Variants in ASCC3 observed in about 807,000 individuals in gnomAD.
ASCC3 encodes the protein activating signal cointegrator 1 complex subunit 3.
ASCC3 carries 158 observed loss-of-function variants against 256.3 expected under a neutral mutation model. The ratio of observed to expected loss-of-function variants is 0.62; its 90% CI spans 0.54 to 0.70. The LOEUF (loss-of-function observed/expected upper bound fraction) is 0.70. Ranked by LOEUF, ASCC3 falls within the 30% of genes least tolerant of loss-of-function variation. ASCC3 has a pLI of 0.00. For synonymous variants in ASCC3, 948 were observed against 883.4 expected (o/e 1.07, Z -1.30); for missense variants, 2,259 against 2,626.0 (o/e 0.86, Z 3.05).
chr6:100,708,892 A>G (rs1051281476), intron 13 of ASCC3, among the ~76,000 whole-genome samples: 1 of 152,132 alleles, frequency 6.6e-6, no homozygotes, highest in African/African-American at 2.4e-5. Context: ...AAACCAATAC[A>G]TGAACAAATC....
chr6:100,669,014 T>C (rs567444042), intron 14 of ASCC3, among the ~76,000 whole-genome samples: 124 of 151,698 alleles, frequency 8.2e-4, no homozygotes, highest in Middle Eastern at 6.8e-3. Flanking sequence ...ACTGAAAAGG[T>C]ATAATTATAA....
At chr6:100,565,249 G>A (rs570982352) in intron 36 of ASCC3, among the ~76,000 whole-genome samples, 1 of 152,130 alleles carries the variant, frequency 6.6e-6, no homozygotes, top group African/African-American at 2.4e-5. Flanking sequence ...ATGGGTTCCC[G>A]ACTGTTTTGC....
At chr6:100,524,118 C>A (rs1774443266) in intron 37 of ASCC3, among the ~76,000 whole-genome samples, 1 of 151,960 alleles carries the variant, frequency 6.6e-6, no homozygotes, top group Admixed American at 6.6e-5. Flanking sequence ...GAAGTTAAGG[C>A]TTGATTTTGG....
At chr6:100,608,080 GTA>G (rs68148772) in intron 30 of ASCC3, among the ~76,000 whole-genome samples, 12,264 of 84,076 alleles carry the variant, frequency 0.15, 1,906 homozygotes, top group African/African-American at 0.21. Context: ...ACATATATAT[GTA>G]TATATATCTA....
chr6:100,754,794 G>C (rs1045512373), intron 10 of ASCC3, among the ~76,000 whole-genome samples: 1 of 152,120 alleles, frequency 6.6e-6, no homozygotes, highest in African/African-American at 2.4e-5. Context: ...GACCCAGTGG[G>C]AGGTAACTGA....
intron 13 of ASCC3, among the ~76,000 whole-genome samples, chr6:100,697,164 T>C (rs973245403): frequency 6.6e-6 from 1 of 151,984 alleles, no homozygotes. Flanking sequence ...CAGGGCCCAA[T>C]AGTAATATCT....
chr6:100,685,713 A>G (rs1183649478), intron 13 of ASCC3, among the ~76,000 whole-genome samples: 1 of 152,210 alleles, frequency 6.6e-6, no homozygotes, highest in Non-Finnish European at 1.5e-5. Context: ...TATATTTCAG[A>G]TATATTTATT....
intron 17 of ASCC3, 40 bp downstream of exon 17, chr6:100,655,659 A>T: frequency 6.3e-7 from 1 of 1,599,080 alleles, no homozygotes; most frequent in Non-Finnish European, 8.5e-7. Context: ...AGAACCAAAA[A>T]GAAGGTCTGA....
At chr6:100,766,432 G>T in intron 10 of ASCC3, 133 bp downstream of exon 10, 1 of 973,622 alleles carries the variant, frequency 1.0e-6, no homozygotes, top group Non-Finnish European at 1.5e-6. Flanking sequence ...ACAAGATGTG[G>T]TTACAAATAA....
rs1200444994 is a variant in ASCC3 at position 100,655,777 on chromosome 6, C to T, written c.2745G>A (p.Lys915=). The T allele has an allele frequency of 3.7e-6, 6 of 1,611,496 alleles. No individual in the cohort carries two copies. Among genetic ancestry groups the T allele is most frequent in the Non-Finnish European group, 2.5e-6 (3 of 1,178,730 alleles). The stretch of plus-strand genomic sequence containing the variant: ...CATAAAGATAAGTGTAACTTATCCA[C>T]TTCACTGCTTCTTCCACATTAGTAA... The part of the protein sequence containing the change: ...GTVTNVEEAV[K]WISYTYLYVR... Residue 915 remains lysine (K), a synonymous_variant, in exon 17 of 42, where the codon AAG becomes AAA. Coordinates refer to ENST00000369162, the MANE Select transcript of ASCC3 (RefSeq NM_006828.4).
At chr6:100,807,958 A>T (rs1242407410) in intron 4 of ASCC3, among the ~76,000 whole-genome samples, 1 of 151,988 alleles carries the variant, frequency 6.6e-6, no homozygotes, top group Non-Finnish European at 1.5e-5. Flanking sequence ...CAAATTGATT[A>T]TTCAGATTAG....
At chr6:100,597,773 C>T (rs1772374041) in intron 34 of ASCC3, among the ~76,000 whole-genome samples, 1 of 140,872 alleles carries the variant, frequency 7.1e-6, no homozygotes, top group Non-Finnish European at 1.5e-5. Flanking sequence ...AAGATGGAGA[C>T]CATTCTGGCT....
intron 8 of ASCC3, among the ~76,000 whole-genome samples, chr6:100,793,873 T>C (rs1486085106): frequency 6.6e-6 from 1 of 151,996 alleles, no homozygotes; most frequent in African/African-American, 2.4e-5. Context: ...TAACACTGTA[T>C]GCTGAACATG....
intron 10 of ASCC3, 70 bp from the exon 11 acceptor site, chr6:100,725,773 G>T: frequency 3.8e-6 from 6 of 1,566,694 alleles, no homozygotes; most frequent in Non-Finnish European, 5.3e-6. Flanking sequence ...GTGATACTCA[G>T]AAAGAAATAT....
chr6:100,693,000 A>G (rs1281212918), intron 13 of ASCC3, among the ~76,000 whole-genome samples: 1 of 151,946 alleles, frequency 6.6e-6, no homozygotes, highest in East Asian at 1.9e-4. Flanking sequence ...AAAAATTAGA[A>G]TATTATCCAT....
intron 10 of ASCC3, among the ~76,000 whole-genome samples, chr6:100,753,843 C>G (rs1781054091): frequency 6.6e-6 from 1 of 152,042 alleles, no homozygotes; most frequent in South Asian, 2.1e-4. Flanking sequence ...GCATAAAGAA[C>G]CATAATCATT....
At chr6:100,542,202 G>A (rs1775494728) in intron 36 of ASCC3, among the ~76,000 whole-genome samples, 1 of 152,044 alleles carries the variant, frequency 6.6e-6, no homozygotes, top group Non-Finnish European at 1.5e-5. Flanking sequence ...GAAAAATGAA[G>A]AGAACTATAC....
chr6:100,618,906 G>GAACT (rs1395480550), intron 30 of ASCC3, among the ~76,000 whole-genome samples: 7 of 152,154 alleles, frequency 4.6e-5, no homozygotes, highest in African/African-American at 7.2e-5. Flanking sequence ...TCTGTCTGAG[G>GAACT]AACTCACTTC....
intron 1 of ASCC3, among the ~76,000 whole-genome samples, chr6:100,870,435 A>T (rs1773689420): frequency 3.3e-5 from 5 of 152,048 alleles, no homozygotes; most frequent in Admixed American, 3.3e-4. Context: ...TAAAAATGAC[A>T]CTTTAGAAGT....
Sources: allele counts gnomAD v4.1 joint callset (sites outside exome capture counted in the v4.1 genomes callset), GRCh38; gene constraint gnomAD v4.1.1; transcripts MANE v1.5; gene names NCBI Gene and HGNC (gene_info 2026-07-23, HGNC 2026-07-21).